The following PTAFR variants were observed in gnomAD, a reference collection of about 807,000 sequenced individuals.
PTAFR encodes platelet-activating factor receptor.
A neutral mutation model predicts 14.7 loss-of-function variants in PTAFR; 8 were observed. The ratio of observed to expected loss-of-function variants is 0.54; its 90% CI spans 0.32 to 0.98. The LOEUF is 0.98. Among genes scored for constraint, PTAFR ranks in the 50% least tolerant of loss-of-function variants. The probability of loss-of-function intolerance (pLI) is 0.04; values close to 1 mark genes in which losing one functional copy is unlikely to be tolerated. For synonymous variants in PTAFR, 156 were observed against 176.5 expected, an observed-to-expected ratio of 0.88 and a Z score of 0.92; for missense variants, 337 against 451.2, an observed-to-expected ratio of 0.75 and a Z score of 2.29.
intron 1 of PTAFR, among the ~76,000 whole-genome samples, chr1:28,187,253 G>A (rs1646614541): frequency 6.6e-6 from 1 of 152,160 alleles, no homozygotes; most frequent in African/African-American, 2.4e-5. Context: ...CCCATAAATA[G>A]AGAGCTCATC....
chr1:28,184,497 AG>A (rs1370959786), intron 1 of PTAFR, among the ~76,000 whole-genome samples: 2 of 152,152 alleles, frequency 1.3e-5, no homozygotes, highest in Non-Finnish European at 2.9e-5. Flanking sequence ...CACGTACAGG[AG>A]AAGTCAAAGT....
chr1:28,168,050 C>G (rs1051215279), intron 1 of PTAFR, among the ~76,000 whole-genome samples: 4 of 148,944 alleles, frequency 2.7e-5, no homozygotes, highest in Admixed American at 1.3e-4. Flanking sequence ...GCTCCGCCTC[C>G]CGGGTTCACG....
chr1:28,176,444 CAAA>C (rs532299068), intron 1 of PTAFR, 145 bp downstream of exon 1: 6 of 71,148 alleles, frequency 8.4e-5, no homozygotes, highest in South Asian at 5.3e-4. Flanking sequence ...GACCCTGTCT[CAAA>C]AAAAAAAAAA....
intron 1 of PTAFR, among the ~76,000 whole-genome samples, chr1:28,174,691 T>C (rs193272364): frequency 8.3e-4 from 126 of 152,358 alleles, no homozygotes; most frequent in African/African-American, 2.8e-3. Context: ...ATCTGTCCTG[T>C]GCATATTCTA....
intron 1 of PTAFR, among the ~76,000 whole-genome samples, chr1:28,184,741 G>T (rs1646592133): frequency 6.6e-6 from 1 of 152,088 alleles, no homozygotes; most frequent in Non-Finnish European, 1.5e-5. Flanking sequence ...CTGAGTTCCA[G>T]CGATTCTCCT....
chr1:28,192,647 TG>T (rs991243223), intron 1 of PTAFR, among the ~76,000 whole-genome samples: 4 of 151,230 alleles, frequency 2.6e-5, no homozygotes, highest in African/African-American at 7.3e-5. Flanking sequence ...GTTTTTTTTT[TG>T]TTTGTTTGTT....
At chr1:28,162,287 C>G (rs911110478) in intron 1 of PTAFR, among the ~76,000 whole-genome samples, 4 of 152,116 alleles carry the variant, frequency 2.6e-5, no homozygotes, top group African/African-American at 7.2e-5. Flanking sequence ...ATTCCTCTCC[C>G]CGTCCCCTGT....
At chr1:28,190,135 G>C (rs905735982) in intron 1 of PTAFR, among the ~76,000 whole-genome samples, 3 of 151,774 alleles carry the variant, frequency 2.0e-5, no homozygotes, top group African/African-American at 7.3e-5. Flanking sequence ...ACCACGCCCG[G>C]CTAATTTTGT....
upstream of PTAFR, among the ~76,000 whole-genome samples, chr1:28,177,556 G>C (rs993837474): frequency 3.3e-5 from 5 of 152,160 alleles, no homozygotes; most frequent in Admixed American, 6.5e-5. Flanking sequence ...GCCTGGCCCT[G>C]TGTTTGTTTT....
upstream of PTAFR, among the ~76,000 whole-genome samples, chr1:28,178,652 A>G (rs1447437596): frequency 6.7e-6 from 1 of 149,966 alleles, no homozygotes. Context: ...CATCACACAC[A>G]GGCAGACACA....
Position 28,150,452 on chromosome 1 carries a change from G to A in PTAFR, c.570C>T (p.Phe190=). ...GSVPVLIIHI[F]IVFSFFLVFL... ...AGACCAGGAAGAAGCTGAACACGAT[G>A]AAGATGTGGATGATGAGGACTGGCA... is the stretch of plus-strand genomic sequence containing the variant. The change falls in exon 2 of 2, where the codon TTC becomes TTT. Residue 190 remains phenylalanine, a synonymous_variant. Transcript: ENST00000373857. This position sits in a 1 kb window ranked among gnomAD's most constrained non-coding sequence, Gnocchi z 6.3. 1 of 1,614,210 alleles carries A rather than the reference G, an allele frequency of 6.2e-7. No homozygotes were observed. Among genetic ancestry groups the A allele is most frequent in the East Asian group, 2.2e-5 (1 of 44,890 alleles).
upstream of PTAFR, among the ~76,000 whole-genome samples, chr1:28,180,655 G>A (rs1486952134): frequency 2.0e-5 from 3 of 152,068 alleles, no homozygotes; most frequent in Non-Finnish European, 2.9e-5. Context: ...AAGATATCCA[G>A]GACAGACATA....
intron 1 of PTAFR, among the ~76,000 whole-genome samples, chr1:28,185,902 CATT>C (rs1358811073): frequency 6.6e-6 from 1 of 151,998 alleles, no homozygotes; most frequent in East Asian, 1.9e-4. Flanking sequence ...TAGAAAATGA[CATT>C]ATTAAGAAGA....
intron 1 of PTAFR, among the ~76,000 whole-genome samples, chr1:28,189,464 T>G (rs1375196653): frequency 6.6e-6 from 1 of 151,384 alleles, no homozygotes; most frequent in Non-Finnish European, 1.5e-5. Context: ...AATACAAAAA[T>G]TAGCCGGGCA....
chr1:28,158,832 G>A (rs905370335), intron 1 of PTAFR, among the ~76,000 whole-genome samples: 41 of 152,178 alleles, frequency 2.7e-4, no homozygotes, highest in African/African-American at 9.2e-4. Flanking sequence ...TCTGGATTTG[G>A]GGAAGATGGC....
chr1:28,172,446 G>A (rs755375362), intron 1 of PTAFR, among the ~76,000 whole-genome samples: 19 of 152,202 alleles, frequency 1.2e-4, no homozygotes, highest in Non-Finnish European at 1.9e-4. Context: ...AGGCCCTGGC[G>A]TCACACAGAC....
At chr1:28,165,883 A>C (rs1190772408) in intron 1 of PTAFR, among the ~76,000 whole-genome samples, 2 of 152,226 alleles carry the variant, frequency 1.3e-5, no homozygotes, top group African/African-American at 4.8e-5. Context: ...TAAAATGTCC[A>C]TACCACCCAA....
chr1:28,157,832 A>G (rs1646283082), intron 1 of PTAFR, among the ~76,000 whole-genome samples: 1 of 150,802 alleles, frequency 6.6e-6, no homozygotes, highest in African/African-American at 2.4e-5. Flanking sequence ...GGGTTTCACC[A>G]TGTTAGCCAG....
intron 1 of PTAFR, among the ~76,000 whole-genome samples, chr1:28,190,493 C>A (rs1057380153): frequency 6.6e-5 from 10 of 151,996 alleles, no homozygotes; most frequent in African/African-American, 2.2e-4. Context: ...ATCTTGTATT[C>A]TATAAGATAA....
Sources: gnomAD v4.1 joint callset for allele counts (sites outside exome capture counted in the v4.1 genomes callset) on GRCh38, gnomAD v4.1.1 for gene constraint, Gnocchi (gnomAD v3.1) non-coding constraint, MANE v1.5 for transcripts, NCBI Gene and HGNC (gene_info 2026-07-23, HGNC 2026-07-21) for gene names.